Variants in CNTN4 observed in about 807,000 individuals in gnomAD.
CNTN4 encodes the protein contactin-4.
Under a neutral mutation model 122.5 loss-of-function variants are expected in CNTN4, and 77 were observed. That is an observed-to-expected ratio of 0.63 (90% confidence interval 0.52 to 0.76). The LOEUF (loss-of-function observed/expected upper bound fraction) is 0.76. CNTN4 is among the 30% of genes least tolerant of loss of function. CNTN4 has a pLI of 0.00. For synonymous variants in CNTN4, 512 were observed against 447.0 expected, an observed-to-expected ratio of 1.15 and a Z score of -1.83; for missense variants, 1,256 against 1,259.1, an observed-to-expected ratio of 1.00 and a Z score of 0.04.
intron 2 of CNTN4, among the ~76,000 whole-genome samples, chr3:2,230,129 A>C (rs759730157): frequency 6.6e-6 from 1 of 152,192 alleles, no homozygotes; most frequent in Non-Finnish European, 1.5e-5. Context: ...CTGTGACTTA[A>C]GATTGAACAA....
At chr3:2,911,249 G>T (rs1053375717) in intron 12 of CNTN4, among the ~76,000 whole-genome samples, 1 of 152,074 alleles carries the variant, frequency 6.6e-6, no homozygotes, top group African/African-American at 2.4e-5. Flanking sequence ...CAGACACTAG[G>T]GGAGGTCCAG....
At chr3:2,551,367 CAT>C (rs1211594514) in intron 3 of CNTN4, among the ~76,000 whole-genome samples, 2 of 151,914 alleles carry the variant, frequency 1.3e-5, no homozygotes, top group African/African-American at 2.4e-5. Context: ...GTTTGTATAT[CAT>C]GTGTGTACTT....
At chr3:2,634,802 G>C (rs535569130) in intron 4 of CNTN4, among the ~76,000 whole-genome samples, 1 of 152,002 alleles carries the variant, frequency 6.6e-6, no homozygotes, top group Non-Finnish European at 1.5e-5. Flanking sequence ...GTTGCACTGA[G>C]CCAAGATCAC....
chr3:2,487,319 A>G (rs571197152), intron 3 of CNTN4, among the ~76,000 whole-genome samples: 2 of 152,330 alleles, frequency 1.3e-5, no homozygotes, highest in South Asian at 4.1e-4. Context: ...ACCAATTCGT[A>G]GTATGGAGGG....
intron 6 of CNTN4, among the ~76,000 whole-genome samples, chr3:2,754,564 C>T (rs2090242416): frequency 6.6e-6 from 1 of 151,924 alleles, no homozygotes; most frequent in Non-Finnish European, 1.5e-5. Context: ...CATCTCTACC[C>T]TCTGAGCATG....
intron 4 of CNTN4, among the ~76,000 whole-genome samples, chr3:2,619,784 C>T (rs2081924132): frequency 6.6e-6 from 1 of 152,178 alleles, no homozygotes; most frequent in African/African-American, 2.4e-5. Context: ...GCTAATAACG[C>T]AACATAGACA....
chr3:2,195,094 G>A (rs4685494), intron 2 of CNTN4, among the ~76,000 whole-genome samples: 106,063 of 151,996 alleles, frequency 0.7, 38,065 homozygotes, highest in South Asian at 0.83. Flanking sequence ...GTCTCTGGGA[G>A]CTATCCTACT....
At chr3:2,152,632 T>A (rs1354168110) in intron 2 of CNTN4, among the ~76,000 whole-genome samples, 1 of 151,804 alleles carries the variant, frequency 6.6e-6, no homozygotes, top group African/African-American at 2.4e-5. Flanking sequence ...AAATAGAAGA[T>A]TGAGATGGGA....
chr3:2,539,701 C>G (rs1559208937), intron 3 of CNTN4, among the ~76,000 whole-genome samples: 1 of 152,008 alleles, frequency 6.6e-6, no homozygotes, highest in Non-Finnish European at 1.5e-5. Flanking sequence ...TGAAGGAAAA[C>G]AAATCAAATT....
At chr3:2,371,695 T>G (rs947611821) in intron 3 of CNTN4, among the ~76,000 whole-genome samples, 3 of 152,224 alleles carry the variant, frequency 2.0e-5, no homozygotes, top group African/African-American at 7.2e-5. Flanking sequence ...CACTTATTTT[T>G]CATGTAACAT....
intron 2 of CNTN4, among the ~76,000 whole-genome samples, chr3:2,124,595 TCAACAACAACAATGACAACAA>T (rs2034023808): frequency 6.6e-6 from 1 of 151,634 alleles, no homozygotes; most frequent in Non-Finnish European, 1.5e-5. Context: ...GCTCCTTGTC[TCAACAACAACAATGACAACAA>T]CAACAACAAC....
intron 2 of CNTN4, among the ~76,000 whole-genome samples, chr3:2,282,972 A>C (rs187748250): frequency 6.6e-6 from 1 of 152,172 alleles, no homozygotes; most frequent in African/African-American, 2.4e-5. Flanking sequence ...AAAGTAGATT[A>C]GAGGTTCCTA....
At chr3:2,176,236 A>G (rs58344192) in intron 2 of CNTN4, among the ~76,000 whole-genome samples, 3,265 of 152,206 alleles carry the variant, frequency 0.021, 131 homozygotes, top group African/African-American at 0.075. Flanking sequence ...ACGAATGAGT[A>G]TTTGTCAGGG....
chr3:2,632,603 CT>C (rs2082492622), intron 4 of CNTN4, among the ~76,000 whole-genome samples: 1 of 152,148 alleles, frequency 6.6e-6, no homozygotes, highest in African/African-American at 2.4e-5. Context: ...CAGTATTATC[CT>C]TGAGCCTCTT....
At position 2,405,484 on chromosome 3, in the gene CNTN4, A is replaced by AC. The variant is rs143809594; in HGVS notation, c.-89+66256dup. Among the ~76,000 whole-genome samples the AC allele has an allele frequency of 8.4e-3, 1,280 of 152,162 alleles. 11 individuals are homozygous for AC. The highest frequency in any genetic ancestry group is 0.022 in the African/African-American group (929 of 41,504). ...AGGACATAGGCACTGACATGAAAGA[A>AC]CCCCCAATGACCAAAGCTGCAAAAT... On this transcript the variant is annotated intron_variant, in intron 3 of 24. Coordinates refer to ENST00000418658, the MANE Select transcript of CNTN4 (RefSeq NM_175607.3).
intron 13 of CNTN4, among the ~76,000 whole-genome samples, chr3:2,950,486 A>G (rs1464551004): frequency 6.6e-6 from 1 of 152,102 alleles, no homozygotes; most frequent in Non-Finnish European, 1.5e-5. Flanking sequence ...TGTGATGAGT[A>G]GCAGGTCCCT....
chr3:2,179,743 C>G (rs1286697262), intron 2 of CNTN4, among the ~76,000 whole-genome samples: 1 of 151,728 alleles, frequency 6.6e-6, no homozygotes, highest in Non-Finnish European at 1.5e-5. Flanking sequence ...TTTGTTTATT[C>G]AGACATTCAT....
intron 3 of CNTN4, among the ~76,000 whole-genome samples, chr3:2,449,821 T>C (rs749974652): frequency 2.0e-5 from 3 of 152,172 alleles, no homozygotes; most frequent in African/African-American, 7.2e-5. Context: ...GAGGACATTA[T>C]GCTAAGTAAA....
intron 4 of CNTN4, among the ~76,000 whole-genome samples, chr3:2,661,788 A>C (rs2083908922): frequency 7.1e-6 from 1 of 141,798 alleles, no homozygotes. Context: ...CAGCCTGGGC[A>C]ACAAGAGCAA....
Sources: allele counts gnomAD v4.1 joint callset (sites outside exome capture counted in the v4.1 genomes callset), GRCh38; gene constraint gnomAD v4.1.1; transcripts MANE v1.5; gene names NCBI Gene and HGNC (gene_info 2026-07-23, HGNC 2026-07-21).